USH2A: variants seen among roughly 807,000 people sequenced by gnomAD.
USH2A encodes the protein Usher syndrome 2A (autosomal recessive, mild).
In USH2A, 443 loss-of-function variants were observed where a neutral mutation model predicts 538.9. The ratio of observed to expected loss-of-function variants is 0.82; its 90% confidence interval spans 0.76 to 0.89. USH2A has a LOEUF of 0.89. Among genes scored for constraint, USH2A ranks in the 40% least tolerant of loss-of-function variants. The pLI is 0.00. For synonymous variants in USH2A, 2,413 were observed against 2,273.5 expected (o/e 1.06, Z -1.75); for missense variants, 6,633 against 6,324.8 (o/e 1.05, Z -1.65).
At chr1:216,265,856 T>C (rs1348626275) in intron 11 of USH2A, among the ~76,000 whole-genome samples, 1 of 151,960 alleles carries the variant, frequency 6.6e-6, no homozygotes, top group Non-Finnish European at 1.5e-5. Context: ...GTTGATCTCA[T>C]GAAAGTAGAA....
chr1:215,944,940 T>A (rs1666721552), intron 37 of USH2A, among the ~76,000 whole-genome samples: 1 of 151,996 alleles, frequency 6.6e-6, no homozygotes, highest in Admixed American at 6.6e-5. Context: ...AGTGTTAATA[T>A]TACCTTGAAA....
At chr1:215,872,250 T>C (rs1664641438) in intron 43 of USH2A, among the ~76,000 whole-genome samples, 1 of 152,216 alleles carries the variant, frequency 6.6e-6, no homozygotes, top group Non-Finnish European at 1.5e-5. Context: ...ATTGTTTCCA[T>C]TGCTTAAGTC....
intron 44 of USH2A, among the ~76,000 whole-genome samples, chr1:215,866,508 A>T (rs954003214): frequency 6.6e-6 from 1 of 152,190 alleles, no homozygotes; most frequent in Non-Finnish European, 1.5e-5. Context: ...TCTGAAGATG[A>T]TCCACTGGGA....
At chr1:215,814,173 AT>A in intron 48 of USH2A, among the ~76,000 whole-genome samples, 1 of 145,772 alleles carries the variant, frequency 6.9e-6, no homozygotes, top group African/African-American at 2.5e-5. Flanking sequence ...ATTATATAAA[AT>A]TTTAATTTTA....
chr1:216,268,671 G>A (rs1352836226), intron 11 of USH2A, among the ~76,000 whole-genome samples: 1 of 152,084 alleles, frequency 6.6e-6, no homozygotes, highest in African/African-American at 2.4e-5. Context: ...TCTTTCTTCT[G>A]CTCACTTCAG....
At chr1:216,380,311 T>C (rs915701841) in intron 3 of USH2A, among the ~76,000 whole-genome samples, 11 of 152,134 alleles carry the variant, frequency 7.2e-5, no homozygotes, top group Non-Finnish European at 1.2e-4. Flanking sequence ...TATTTATGAG[T>C]ATTGCTATCA....
chr1:215,647,399 ACATT>A, intron 67 of USH2A, 119 bp downstream of exon 67: 1 of 1,180,850 alleles, frequency 8.5e-7, no homozygotes, highest in Non-Finnish European at 1.2e-6. Context: ...TGCTTCAGTA[ACATT>A]CAGTGTTATT....
At chr1:216,304,549 G>A (rs1008085154) in intron 9 of USH2A, among the ~76,000 whole-genome samples, 1 of 151,556 alleles carries the variant, frequency 6.6e-6, no homozygotes, top group African/African-American at 2.4e-5. Flanking sequence ...TCCTTATTAA[G>A]TCAATAAGAG....
chr1:216,084,045 G>C (rs2032036615), intron 25 of USH2A, among the ~76,000 whole-genome samples: 1 of 152,014 alleles, frequency 6.6e-6, no homozygotes, highest in South Asian at 2.1e-4. Context: ...GGCAGTGATG[G>C]GCTTTTATTT....
In USH2A at chr1:216,196,677, T is replaced by C; in HGVS notation, c.4127A>G (p.Tyr1376Cys). The C allele has an allele frequency of 1.2e-6, 2 of 1,613,228 alleles. No individual in the cohort carries two copies. The highest frequency in any genetic ancestry group is 1.7e-6 in the Non-Finnish European group (2 of 1,179,612). The stretch of plus-strand genomic sequence containing the variant: ...CTTCTCCCAGGAGATATTGAGAGAG[T>C]ACGAAGAGAGGGGAAAGACTGAAGG... ...IPPSVFPLSS[Y>C]SLNISWEKPA... The change falls in exon 19 of 72, where the codon TAC becomes TGC. Residue 1376 changes from tyrosine to cysteine, a missense_variant. Physicochemically the swap from Tyr to Cys is radical, Grantham distance 194 (BLOSUM62 -2). Coordinates refer to ENST00000307340, the MANE Select transcript of USH2A (RefSeq NM_206933.4).
chr1:216,007,366 A>G (rs374133161), intron 32 of USH2A, among the ~76,000 whole-genome samples: 241 of 152,298 alleles, frequency 1.6e-3, no homozygotes, highest in African/African-American at 5.0e-3. Flanking sequence ...AAACAAAAAA[A>G]TCTTCTGGAC....
chr1:215,727,933 C>T lies in USH2A; in HGVS notation c.12066+97G>A. 3 of 1,372,660 alleles carry T rather than the reference C, an allele frequency of 2.2e-6. No homozygotes were observed. The South Asian group carries it at 3.5e-5, about 16-fold the overall frequency. The allele number at this position is 1,372,660 out of a possible 1,614,324, so 85.0% of individuals were successfully genotyped here. On this transcript the variant is annotated intron_variant, in intron 61 of 71. Coordinates refer to ENST00000307340, the MANE Select transcript of USH2A (RefSeq NM_206933.4). ...AGTGAAAGATTTTCATATATTTAAG[C>T]CCTAAGTGAAGAAAAATGAGAAGTT...
chr1:215,912,475 A>ATATATATATATATATATATATATATGTG (rs1665818404), intron 38 of USH2A, among the ~76,000 whole-genome samples: 1 of 16,296 alleles, frequency 6.1e-5, no homozygotes, highest in Non-Finnish European at 1.5e-4. Context: ...ATATATATAT[A>ATATATATATATATATATATATATATGTG]CGTATATATA....
chr1:216,048,352 G>T (rs1051019497), intron 31 of USH2A, among the ~76,000 whole-genome samples, 182 bp downstream of exon 31: 11 of 152,166 alleles, frequency 7.2e-5, no homozygotes, highest in Admixed American at 3.9e-4. Context: ...TCATTAAAGG[G>T]TATGGAGTTT....
intron 21 of USH2A, among the ~76,000 whole-genome samples, chr1:216,099,131 C>T (rs1044444188): frequency 1.3e-5 from 2 of 152,180 alleles, no homozygotes; most frequent in Non-Finnish European, 2.9e-5. Context: ...TCAAATTTAT[C>T]CTGGCCTTCT....
intron 61 of USH2A, among the ~76,000 whole-genome samples, chr1:215,726,892 A>T (rs1294169956): frequency 1.3e-5 from 2 of 152,210 alleles, no homozygotes; most frequent in Non-Finnish European, 2.9e-5. Context: ...TGTAGTGGAC[A>T]TTATAGGCTG....
intron 61 of USH2A, among the ~76,000 whole-genome samples, chr1:215,716,516 A>G (rs1659493356): frequency 6.6e-6 from 1 of 152,246 alleles, no homozygotes; most frequent in Admixed American, 6.5e-5. Context: ...TTTAGCAAAA[A>G]TAAAACTCTG....
chr1:215,737,316 C>A (rs987861307), intron 60 of USH2A, among the ~76,000 whole-genome samples: 1 of 151,754 alleles, frequency 6.6e-6, no homozygotes, highest in East Asian at 1.9e-4. Context: ...ATGAGTAAAT[C>A]ATAAGAATGA....
At chr1:216,285,553 C>T (rs960343591) in intron 11 of USH2A, among the ~76,000 whole-genome samples, 1 of 152,220 alleles carries the variant, frequency 6.6e-6, no homozygotes, top group Non-Finnish European at 1.5e-5. Context: ...GTCAGACCCC[C>T]CACACAGAGT....
Sources: gnomAD v4.1 joint callset for allele counts (sites outside exome capture counted in the v4.1 genomes callset) on GRCh38, gnomAD v4.1.1 for gene constraint, MANE v1.5 for transcripts, NCBI Gene and HGNC (gene_info 2026-07-23, HGNC 2026-07-21) for gene names.